Variants in STAT4 observed in about 807,000 individuals in gnomAD.
STAT4 encodes signal transducer and activator of transcription 4.
A neutral mutation model predicts 110.5 loss-of-function variants in STAT4; 42 were observed. The ratio of observed to expected loss-of-function variants is 0.38; its 90% CI spans 0.30 to 0.49. The LOEUF is 0.49. Ranked by LOEUF, STAT4 falls within the 20% of genes least tolerant of loss-of-function variation. STAT4 has a pLI of 0.95. For missense variants in STAT4, 632 were observed against 887.9 expected, an observed-to-expected ratio of 0.71 and a Z score of 3.66; for synonymous variants, 284 against 302.2, an observed-to-expected ratio of 0.94 and a Z score of 0.63.
In STAT4 at chr2:191,116,762, T is replaced by G. The variant is rs751103206; in HGVS notation, c.273+29851A>C. On this transcript the variant is annotated intron_variant, in intron 3 of 23. Transcript: ENST00000392320. The surrounding 1 kb of genome is among the most constrained non-coding windows in gnomAD (Gnocchi z 4.1). ...TCTTACTGCCTGTTGTATCCCAACA[T>G]CAGAAGTGTTCCTGGCAGAGAAACT... 6.7e-6 allele frequency among the ~76,000 whole-genome samples: 1 copy of G among 148,260 alleles called. No homozygotes were observed. The highest frequency in any genetic ancestry group is 2.5e-5 in the African/African-American group (1 of 39,888).
chr2:191,058,020 A>C lies in STAT4; in HGVS notation c.1204T>G (p.Leu402Val), dbSNP rs1696753650. ...NGSLSVEFRH[L>V]QPKEMKSSAG... ...TTTAACTTTACTGCCAAACTTACCA[A>C]ATGTCGAAATTCTACTGAGAGACTC... Residue 402 changes from leucine (L) to valine (V), a missense_variant and splice_region_variant, in exon 13 of 24, where the codon TTG (leucine) becomes GTG (valine). By Grantham distance (32) the Leu-to-Val change is conservative (BLOSUM62 1). Coordinates refer to ENST00000392320, the MANE Select transcript of STAT4 (RefSeq NM_003151.4). This position sits in a 1 kb window ranked among gnomAD's most constrained non-coding sequence, Gnocchi z 4.3. 4 of 1,613,568 alleles carry C rather than the reference A, an allele frequency of 2.5e-6. No homozygotes were observed. Among genetic ancestry groups the C allele is most frequent in the Non-Finnish European group, 3.4e-6 (4 of 1,179,740 alleles).
Position 191,066,634 on chromosome 2 carries a change from G to A in STAT4, c.545-119C>T, listed in dbSNP as rs1428960928. On this transcript the variant is annotated intron_variant, in intron 6 of 23. Transcript: ENST00000392320. The surrounding 1 kb of genome is among the most constrained non-coding windows in gnomAD (Gnocchi z 4.3). The stretch of plus-strand genomic sequence containing the variant: ...GAACTTATGTGGTAAGAGACTAATT[G>A]GGTTCACTAGAGGTGAGCTTGGAAG... 3.7e-6 allele frequency: 3 copies of A among 804,360 alleles called. No individual in the cohort carries two copies. The highest frequency in any genetic ancestry group is 6.0e-6 in the Non-Finnish European group (3 of 503,298). 49.8% of individuals were successfully genotyped at this position (804,360 alleles called of 1,614,324 possible). A position where few individuals can be genotyped will look rare whatever the true frequency, so the allele number is the denominator to read the frequency against.
rs943173888 is a variant in STAT4, at chr2:191,035,262, A to G, written c.1571-665T>C. Among the ~76,000 whole-genome samples, 2 of 152,246 alleles carry G rather than the reference A, an allele frequency of 1.3e-5. No individual in the cohort carries two copies. The highest frequency in any genetic ancestry group is 2.9e-5 in the Non-Finnish European group (2 of 68,034). ...CTCTAACAAATGTTTATTGAATGCT[A>G]TTGCTGCTTATGAATTAAATAAGGA... is the stretch of plus-strand genomic sequence containing the variant. On this transcript the variant is annotated intron_variant, in intron 17 of 23. Transcript: ENST00000392320. The surrounding 1 kb of genome is among the most constrained non-coding windows in gnomAD (Gnocchi z 4.7).
At chr2:191,094,666 G>A (rs1157005965) in intron 3 of STAT4, among the ~76,000 whole-genome samples, 2 of 152,136 alleles carry the variant, frequency 1.3e-5, no homozygotes, top group Admixed American at 6.5e-5. Context: ...TTGATGCTAG[G>A]AAGAAACTGC....
rs1656886017 is a variant in STAT4 at position 191,142,582 on chromosome 2, T to C, written c.273+4031A>G. Reference sequence around the variant, plus strand: ...ATAGTTAACAACAATGTAATGTATATTTCAGAGTAGCTAGAAGAATGGGTT... The same window carrying C: ...ATAGTTAACAACAATGTAATGTATACTTCAGAGTAGCTAGAAGAATGGGTT... On this transcript the variant is annotated intron_variant, in intron 3 of 23. Transcript: ENST00000392320. This position sits in a 1 kb window ranked among gnomAD's most constrained non-coding sequence, Gnocchi z 4.1. Among the ~76,000 whole-genome samples, 1 of 152,206 alleles carries C rather than the reference T, an allele frequency of 6.6e-6. No homozygotes were observed. Among genetic ancestry groups the C allele is most frequent in the African/African-American group, 2.4e-5 (1 of 41,450 alleles).
At chr2:191,079,858 A>G (rs1379500546) in intron 3 of STAT4, among the ~76,000 whole-genome samples, 1 of 152,114 alleles carries the variant, frequency 6.6e-6, no homozygotes, top group East Asian at 1.9e-4. Flanking sequence ...CCAGCATATT[A>G]ATATCTTGTA....
chr2:191,125,532 G>A (rs7565277), intron 3 of STAT4, among the ~76,000 whole-genome samples: 1,730 of 132,392 alleles, frequency 0.013, 49 homozygotes, highest in African/African-American at 0.044. Flanking sequence ...CTGTCACCCA[G>A]GCTGGAGTGC....
rs1390679318 is a variant in STAT4, at chr2:191,054,513, T to C, written c.1228A>G (p.Ser410Gly). ...ACCTCATTTCCTTTACCTCCAGCAC[T>C]GGACTTCATTTCCTTTGGTTGCTTT... Reference protein sequence around the residue: ...RHLQPKEMKSSAGGKGNEGCH... With the variant: ...RHLQPKEMKSGAGGKGNEGCH... The change falls in exon 14 of 24, where the codon AGT becomes GGT. Residue 410 changes from serine (S) to glycine (G), a missense_variant. Physicochemically the swap from Ser to Gly is moderately conservative, Grantham distance 56. Around this residue, in one of 4 missense-constraint regions of STAT4, gnomAD observed 488 missense variants for 632.8 expected, o/e 0.77. Transcript: ENST00000392320. The C allele has an allele frequency of 6.2e-7, 1 of 1,612,584 alleles. No individual in the cohort carries two copies. Among genetic ancestry groups the C allele is most frequent in the Non-Finnish European group, 8.5e-7 (1 of 1,179,634 alleles).
At chr2:191,079,696 G>A (rs534753951) in intron 3 of STAT4, among the ~76,000 whole-genome samples, 96 of 152,010 alleles carry the variant, frequency 6.3e-4, no homozygotes, top group South Asian at 2.5e-3. Context: ...GTCCTAAGGT[G>A]ACTTATTTAA....
Position 191,031,710 on chromosome 2 carries a change from GA to G in STAT4, c.2045-195del, listed in dbSNP as rs1339698361. On this transcript the variant is annotated intron_variant, in intron 21 of 23. Transcript: ENST00000392320. The surrounding 1 kb of genome is among the most constrained non-coding windows in gnomAD (Gnocchi z 4.8). The stretch of plus-strand genomic sequence containing the variant: ...GATAAGCATAAAATGTGCAAGAAGA[GA>G]AAAACAAATCTCTTGGCAGGCCTAA... 6.6e-6 allele frequency among the ~76,000 whole-genome samples: 1 copy of G among 152,154 alleles called. No individual in the cohort carries two copies. The highest frequency in any genetic ancestry group is 2.4e-5 in the African/African-American group (1 of 41,432).
chr2:191,139,358 C>T (rs1337814507), intron 3 of STAT4, among the ~76,000 whole-genome samples: 1 of 152,180 alleles, frequency 6.6e-6, no homozygotes, highest in Admixed American at 6.5e-5. Context: ...TCTAAAGACT[C>T]ATCCAGGAAG....
At chr2:191,097,718 T>C in intron 3 of STAT4, among the ~76,000 whole-genome samples, 1 of 152,172 alleles carries the variant, frequency 6.6e-6, no homozygotes, top group Middle Eastern at 3.2e-3. Flanking sequence ...GAGCAAGTAC[T>C]TCATGACTCA....
chr2:191,048,667 T>C (rs1458923828), intron 14 of STAT4, among the ~76,000 whole-genome samples: 1 of 150,882 alleles, frequency 6.6e-6, no homozygotes, highest in African/African-American at 2.4e-5. Flanking sequence ...GCGCTTGTAG[T>C]CCCAGCTACT....
At chr2:191,108,499 T>C (rs1485807810) in intron 3 of STAT4, among the ~76,000 whole-genome samples, 2 of 152,122 alleles carry the variant, frequency 1.3e-5, no homozygotes, top group Non-Finnish European at 2.9e-5. Flanking sequence ...CTGTGAAGTG[T>C]TCAGGACACA....
Position 191,039,423 on chromosome 2 carries a change from G to A in STAT4, c.1336-126C>T. ...CCACACCTCCAGTCCTGATGTCCAT[G>A]GTGCCCTGGTCACTGAAATGACTTG... On this transcript the variant is annotated intron_variant, in intron 15 of 23. Coordinates refer to ENST00000392320, the MANE Select transcript of STAT4 (RefSeq NM_003151.4). The surrounding 1 kb of genome is among the most constrained non-coding windows in gnomAD (Gnocchi z 4.7). The A allele has an allele frequency of 1.4e-6, 1 of 734,870 alleles. No homozygotes were observed. The allele number at this position is 734,870 out of a possible 1,614,324, so 45.5% of individuals were successfully genotyped here.
In STAT4 at chr2:191,031,503, T is replaced by C; in HGVS notation, c.2058A>G (p.Thr686=). The change falls in exon 22 of 24, where the codon ACA becomes ACG. Residue 686 remains threonine, a synonymous_variant. Coordinates refer to ENST00000392320, the MANE Select transcript of STAT4 (RefSeq NM_003151.4). This position sits in a 1 kb window ranked among gnomAD's most constrained non-coding sequence, Gnocchi z 4.8. ...GAACATAACCTTTGTCACCCCTTTC[T>C]GTTGGTCTTGAAACTGGAAAACAAA... is the stretch of plus-strand genomic sequence containing the variant. ...SSQPCEVSRP[T]ERGDKGYVPS... The C allele has an allele frequency of 6.2e-7, 1 of 1,613,384 alleles. No homozygotes were observed.
intron 3 of STAT4, among the ~76,000 whole-genome samples, chr2:191,084,702 C>A (rs542672690): frequency 8.0e-4 from 121 of 152,006 alleles, no homozygotes; most frequent in Non-Finnish European, 1.4e-3. Context: ...TATATGTGAG[C>A]AAGTTAGCTA....
Position 191,143,362 on chromosome 2 carries a change from G to C in STAT4, c.273+3251C>G, listed in dbSNP as rs1192346284. On this transcript the variant is annotated intron_variant, in intron 3 of 23. Transcript: ENST00000392320. This position sits in a 1 kb window ranked among gnomAD's most constrained non-coding sequence, Gnocchi z 5.6. ...CTGCTGAGGAAACTGAGGCCAGAGTGTGTGAATATCTTACTCAGGGCCACA... is the reference window on the plus strand; with the variant it reads ...CTGCTGAGGAAACTGAGGCCAGAGTCTGTGAATATCTTACTCAGGGCCACA... 6.6e-6 allele frequency among the ~76,000 whole-genome samples: 1 copy of C among 152,188 alleles called. No homozygotes were observed. Among genetic ancestry groups the C allele is most frequent in the African/African-American group, 2.4e-5 (1 of 41,442 alleles).
intron 3 of STAT4, among the ~76,000 whole-genome samples, chr2:191,126,339 G>A (rs544140475): frequency 6.6e-6 from 1 of 152,168 alleles, no homozygotes; most frequent in East Asian, 1.9e-4. Context: ...TTTCTTATAG[G>A]TCTTCATCTC....
Sources: gnomAD v4.1 joint callset for allele counts (sites outside exome capture counted in the v4.1 genomes callset) on GRCh38, gnomAD v4.1.1 for gene constraint, gnomAD v4.1.1 regional missense constraint, Gnocchi (gnomAD v3.1) non-coding constraint, MANE v1.5 for transcripts, NCBI Gene and HGNC (gene_info 2026-07-23, HGNC 2026-07-21) for gene names.